The following PEBP4 variants were observed in gnomAD, a reference collection of about 807,000 sequenced individuals.
PEBP4 encodes the protein phosphatidylethanolamine binding protein 4.
A neutral mutation model predicts 23.9 loss-of-function variants in PEBP4; 22 were observed. The observed-to-expected ratio is 0.92, with a 90% CI of 0.66 to 1.31. The LOEUF (loss-of-function observed/expected upper bound fraction) is 1.31, where lower values mean the gene tolerates loss of function less well. Among genes scored for constraint, PEBP4 ranks in the 40% most tolerant of loss-of-function variants. PEBP4 has a pLI of 0.00. For missense variants in PEBP4, 324 were observed against 281.7 expected (o/e 1.15, Z -1.07); for synonymous variants, 112 against 99.3 (o/e 1.13, Z -0.76).
chr8:22,747,846 G>A (rs894654906), intron 4 of PEBP4, among the ~76,000 whole-genome samples: 11 of 152,160 alleles, frequency 7.2e-5, no homozygotes, highest in East Asian at 1.9e-4. Context: ...CAGAGGCCCC[G>A]GGGGCTTTCT....
chr8:22,825,529 C>T (rs1806950955), intron 3 of PEBP4, among the ~76,000 whole-genome samples: 1 of 152,160 alleles, frequency 6.6e-6, no homozygotes, highest in Non-Finnish European at 1.5e-5. Flanking sequence ...AATAGGTGCC[C>T]ATGAATGCTT....
intron 6 of PEBP4, among the ~76,000 whole-genome samples, chr8:22,722,056 T>A (rs1171277232): frequency 4.6e-5 from 7 of 152,038 alleles, no homozygotes; most frequent in Non-Finnish European, 7.4e-5. Context: ...CTCCAAAGAG[T>A]GACTTTTGAG....
intron 4 of PEBP4, among the ~76,000 whole-genome samples, chr8:22,808,796 C>G (rs1806555243): frequency 6.6e-6 from 1 of 152,218 alleles, no homozygotes. Context: ...AACTGGGCAG[C>G]AGAAAAACCA....
intron 4 of PEBP4, among the ~76,000 whole-genome samples, chr8:22,737,611 A>G (rs186100481): frequency 1.5e-3 from 227 of 152,180 alleles, no homozygotes; most frequent in African/African-American, 4.9e-3. Flanking sequence ...AGAACAAGGG[A>G]AATGGAGCCG....
chr8:22,882,241 C>A (rs1273665615), intron 3 of PEBP4, among the ~76,000 whole-genome samples: 1 of 152,214 alleles, frequency 6.6e-6, no homozygotes, highest in Non-Finnish European at 1.5e-5. Context: ...TTTGCCAAGG[C>A]CCACAGCCTG....
At chr8:22,744,230 C>T (rs895164415) in intron 4 of PEBP4, among the ~76,000 whole-genome samples, 1 of 152,182 alleles carries the variant, frequency 6.6e-6, no homozygotes, top group Non-Finnish European at 1.5e-5. Flanking sequence ...TGGGGGATGC[C>T]CAGGGAGTCT....
At chr8:22,899,078 G>A (rs938367063) in intron 3 of PEBP4, among the ~76,000 whole-genome samples, 19 of 152,200 alleles carry the variant, frequency 1.2e-4, no homozygotes, top group African/African-American at 4.3e-4. Flanking sequence ...CTAGGACCCT[G>A]GACAAGCTAC....
intron 4 of PEBP4, among the ~76,000 whole-genome samples, chr8:22,806,014 A>G (rs12682049): frequency 0.51 from 77,194 of 151,844 alleles, 20,316 homozygotes; most frequent in East Asian, 0.68. Flanking sequence ...CTCAACTCCC[A>G]CATTGTGGCT....
chr8:22,753,525 T>G (rs1805311765), intron 4 of PEBP4, among the ~76,000 whole-genome samples: 1 of 152,170 alleles, frequency 6.6e-6, no homozygotes, highest in Non-Finnish European at 1.5e-5. Flanking sequence ...ATCAGATCAG[T>G]GATATTGGCG....
rs571025729 is a variant in PEBP4 at position 22,830,512 on chromosome 8, C to A, written c.259-12777G>T. ...CATCAACCCACAGCCACATTTATTTCTCTAAACCAGAGCTGTCCTCTGAGA... is the reference window on the plus strand; with the variant it reads ...CATCAACCCACAGCCACATTTATTTATCTAAACCAGAGCTGTCCTCTGAGA... On this transcript the variant is annotated intron_variant, in intron 3 of 6. Transcript: ENST00000256404. Among the ~76,000 whole-genome samples, 36 of 152,312 alleles carry A rather than the reference C, an allele frequency of 2.4e-4. 1 individual carries two copies. In the South Asian group the frequency reaches 7.3e-3, roughly 31 times the overall value.
chr8:22,766,490 G>GTAT (rs1805617862), intron 4 of PEBP4, among the ~76,000 whole-genome samples: 2 of 152,206 alleles, frequency 1.3e-5, no homozygotes, highest in African/African-American at 4.8e-5. Flanking sequence ...ATTTCTGAAG[G>GTAT]GGCATTCTTC....
chr8:22,782,963 A>G (rs1361635347), intron 4 of PEBP4, among the ~76,000 whole-genome samples: 1 of 152,212 alleles, frequency 6.6e-6, no homozygotes, highest in Admixed American at 6.5e-5. Context: ...GCCCAGACCC[A>G]TAATAGGGAA....
At chr8:22,751,594 GTGTGTGTGTGTGTGTC>G (rs1394386589) in intron 4 of PEBP4, among the ~76,000 whole-genome samples, 36 of 135,806 alleles carry the variant, frequency 2.7e-4, no homozygotes, top group African/African-American at 1.3e-4. Flanking sequence ...GTGTCTGTGT[GTGTGTGTGTGTGTGTC>G]TGTGTGTGTG....
In PEBP4 at chr8:22,838,671, C is replaced by T. The variant is rs147775403; in HGVS notation, c.259-20936G>A. ...CCTCAGCCGACCCAGGAAGCCTCGG[C>T]GGTGAAGCCAGAGCTGGGGCGATGC... On this transcript the variant is annotated intron_variant, in intron 3 of 6. Transcript: ENST00000256404. Among the ~76,000 whole-genome samples, 89 of 152,388 alleles carry T rather than the reference C, an allele frequency of 5.8e-4. No individual in the cohort carries two copies. The East Asian group carries it at 0.013, about 22-fold the overall frequency.
intron 3 of PEBP4, among the ~76,000 whole-genome samples, chr8:22,874,071 G>T (rs923431932): frequency 2.0e-4 from 31 of 152,288 alleles, no homozygotes; most frequent in African/African-American, 7.0e-4. Context: ...AGCTGTGTGT[G>T]TGTGGAGCCC....
intron 4 of PEBP4, among the ~76,000 whole-genome samples, chr8:22,800,494 CT>C (rs1182012361): frequency 6.6e-6 from 1 of 152,072 alleles, no homozygotes; most frequent in Non-Finnish European, 1.5e-5. Context: ...CCTGTCCCCG[CT>C]TCAGGCACGT....
intron 4 of PEBP4, among the ~76,000 whole-genome samples, chr8:22,745,007 T>C (rs1805083148): frequency 6.6e-6 from 1 of 152,182 alleles, no homozygotes. Flanking sequence ...CTAAGTCTCC[T>C]GATTCATAGT....
intron 6 of PEBP4, among the ~76,000 whole-genome samples, chr8:22,721,027 C>T (rs762907747): frequency 1.3e-5 from 2 of 152,170 alleles, no homozygotes; most frequent in East Asian, 3.9e-4. Context: ...TGGGGTGGCA[C>T]GGCAGGGTTT....
chr8:22,730,449 G>A (rs1215567144), intron 4 of PEBP4, among the ~76,000 whole-genome samples: 1 of 152,266 alleles, frequency 6.6e-6, no homozygotes, highest in African/African-American at 2.4e-5. Flanking sequence ...ACTGAGCTGG[G>A]AGGATCACCT....
Sources: gnomAD v4.1 joint callset for allele counts (sites outside exome capture counted in the v4.1 genomes callset) on GRCh38, gnomAD v4.1.1 for gene constraint, MANE v1.5 for transcripts, NCBI Gene and HGNC (gene_info 2026-07-23, HGNC 2026-07-21) for gene names.